Variants in SEC14L2 observed in about 807,000 individuals in gnomAD.
SEC14L2 encodes SEC14 like lipid binding 2.
Under a neutral mutation model 56.9 loss-of-function variants are expected in SEC14L2, and 50 were observed. The ratio of observed to expected loss-of-function variants is 0.88; its 90% CI spans 0.70 to 1.11. The LOEUF is 1.11. Ranked by LOEUF, SEC14L2 falls within the 50% of genes most tolerant of loss-of-function variation. The pLI is 0.00. For synonymous variants in SEC14L2, 179 were observed against 188.5 expected (o/e 0.95, Z 0.41); for missense variants, 414 against 500.7 (o/e 0.83, Z 1.65).
rs1457708970 is a variant in SEC14L2 at position 30,424,145 on chromosome 22, G to T, written c.*1738G>T. 6.4e-6 allele frequency: 1 copy of T among 155,562 alleles called. No individual in the cohort carries two copies. The highest frequency in any genetic ancestry group is 1.4e-5 in the Non-Finnish European group (1 of 69,882). 9.6% of individuals were successfully genotyped at this position (155,562 alleles called of 1,614,324 possible). ...CCCCGCCAGCTGCTCAGTACGTGCC[G>T]CGTAGCCCGTGCGAGCCAAGTGTGA... is the stretch of plus-strand genomic sequence containing the variant. On this transcript the variant is annotated 3_prime_UTR_variant, in exon 12 of 12. Transcript: ENST00000615189.
At chr22:30,400,737 A>C (rs1171548907) in intron 2 of SEC14L2, among the ~76,000 whole-genome samples, 1 of 151,608 alleles carries the variant, frequency 6.6e-6, no homozygotes, top group Non-Finnish European at 1.5e-5. Flanking sequence ...CTACTAAAAA[A>C]CACAAAAATT....
intron 8 of SEC14L2, among the ~76,000 whole-genome samples, chr22:30,411,498 C>A (rs572705084): frequency 6.6e-6 from 1 of 152,028 alleles, no homozygotes; most frequent in Non-Finnish European, 1.5e-5. Flanking sequence ...GTAATCCCAG[C>A]ACTTTGGGAG....
At chr22:30,399,548 A>AAGAG (rs758141219) in intron 1 of SEC14L2, 95 bp from the exon 2 acceptor site, 791 of 715,344 alleles carry the variant, frequency 1.1e-3, no homozygotes, top group Non-Finnish European at 1.2e-3. Context: ...GAAACAAAGA[A>AAGAG]AGAGGCGTCC....
rs149097847 is a variant in SEC14L2 at position 30,409,508 on chromosome 22, A to G, written c.580+22A>G. The stretch of plus-strand genomic sequence containing the variant: ...AAAGGTAAGTTGGGAATTTCTTGTG[A>G]TAAAGCCAGATGGAAAAGAGGGGTC... On this transcript the variant is annotated intron_variant, in intron 7 of 11. Coordinates refer to ENST00000615189, the MANE Select transcript of SEC14L2 (RefSeq NM_012429.5). 310 of 1,609,740 alleles carry G rather than the reference A, an allele frequency of 1.9e-4. 2 individuals carry two copies. Among genetic ancestry groups the G allele is most frequent in the Middle Eastern group, 1.7e-3 (10 of 6,058 alleles).
chr22:30,414,047 T>C (rs1337295852), intron 8 of SEC14L2, among the ~76,000 whole-genome samples: 2 of 152,080 alleles, frequency 1.3e-5, no homozygotes, highest in Non-Finnish European at 2.9e-5. Flanking sequence ...CCCAGGTTGA[T>C]CTTGAACTCC....
intron 8 of SEC14L2, among the ~76,000 whole-genome samples, chr22:30,412,551 G>A (rs533824969): frequency 2.0e-5 from 3 of 152,158 alleles, no homozygotes; most frequent in South Asian, 2.1e-4. Context: ...AGTGGCTCAG[G>A]CCCATAATCC....
chr22:30,413,188 G>A (rs1371706424), intron 8 of SEC14L2, among the ~76,000 whole-genome samples: 3 of 152,156 alleles, frequency 2.0e-5, no homozygotes, highest in Admixed American at 6.5e-5. Flanking sequence ...GGGAACATCC[G>A]AGCTCAAGAG....
intron 8 of SEC14L2, among the ~76,000 whole-genome samples, 189 bp downstream of exon 8, chr22:30,410,868 A>G (rs1934229695): frequency 6.6e-6 from 1 of 152,216 alleles, no homozygotes; most frequent in African/African-American, 2.4e-5. Context: ...TTTCTCTCAG[A>G]CACTCTAGAA....
chr22:30,415,357 C>T (rs1003265646), intron 8 of SEC14L2, among the ~76,000 whole-genome samples: 2 of 152,116 alleles, frequency 1.3e-5, no homozygotes, highest in Non-Finnish European at 1.5e-5. Flanking sequence ...CACTTGAACC[C>T]GGGAGGCGGA....
chr22:30,423,662 C>A lies in SEC14L2; in HGVS notation c.*1255C>A, dbSNP rs1934583595. The stretch of plus-strand genomic sequence containing the variant: ...CCTTTCCCTCAGAGCCAGGCCCCGG[C>A]CCCGTCTGGGAAGCTCATCTTGCGA... On this transcript the variant is annotated 3_prime_UTR_variant, in exon 12 of 12. Coordinates refer to ENST00000615189, the MANE Select transcript of SEC14L2 (RefSeq NM_012429.5). 6.6e-6 allele frequency: 1 copy of A among 152,426 alleles called. No homozygotes were observed. Among genetic ancestry groups the A allele is most frequent in the African/African-American group, 2.4e-5 (1 of 41,476 alleles). 9.4% of individuals were successfully genotyped at this position (152,426 alleles called of 1,614,324 possible).
intron 8 of SEC14L2, among the ~76,000 whole-genome samples, chr22:30,414,693 T>C (rs1033176786): frequency 6.6e-6 from 1 of 151,886 alleles, no homozygotes; most frequent in African/African-American, 2.4e-5. Flanking sequence ...GAATTTGGAT[T>C]GGTGAAGTGG....
chr22:30,407,407 T>C lies in SEC14L2; in HGVS notation c.235-8T>C. ...CTGACCAGGTGGCTCCTCTGTGTCT[T>C]TGCCCAGGTGATCCAACAGTATCTG... On this transcript the variant is annotated splice_region_variant and splice_polypyrimidine_tract_variant and intron_variant, in intron 4 of 11. Transcript: ENST00000615189. The C allele has an allele frequency of 6.2e-7, 1 of 1,611,212 alleles. No individual in the cohort carries two copies. Among genetic ancestry groups the C allele is most frequent in the South Asian group, 1.1e-5 (1 of 91,002 alleles).
intron 1 of SEC14L2, chr22:30,397,911 G>A (rs1933804228): frequency 4.3e-6 from 2 of 470,544 alleles, no homozygotes; most frequent in Admixed American, 2.3e-5. Context: ...CAAGGAGGGG[G>A]CAACAGTTTG....
Position 30,397,124 on chromosome 22 carries a change from G to A in SEC14L2, c.8G>A (p.Gly3Asp), listed in dbSNP as rs1364549639. The change falls in exon 1 of 12, where the codon GGC becomes GAC. Residue 3 changes from glycine (G) to aspartate (D), a missense_variant. Coordinates refer to ENST00000615189, the MANE Select transcript of SEC14L2 (RefSeq NM_012429.5). MS[G>D]RVGDLSPRQK... ...CCCCGCGGTTGAGCCACGATGAGCG[G>A]CAGAGTCGGCGATCTGAGCCCCAGG... The A allele has an allele frequency of 2.6e-6, 4 of 1,547,956 alleles. No homozygotes were observed. In the African/African-American group the frequency reaches 5.5e-5, roughly 21 times the overall value.
chr22:30,411,929 C>T (rs973127289), intron 8 of SEC14L2, among the ~76,000 whole-genome samples: 5 of 152,022 alleles, frequency 3.3e-5, no homozygotes, highest in East Asian at 3.9e-4. Context: ...ACCTAAGCTG[C>T]GTGCTATGGA....
At chr22:30,410,718 C>A in intron 8 of SEC14L2, 39 bp downstream of exon 8, 2 of 1,582,428 alleles carry the variant, frequency 1.3e-6, no homozygotes, top group Non-Finnish European at 1.7e-6. Context: ...AAAGGAGGGT[C>A]TGTAGCCTAA....
chr22:30,416,289 A>G lies in SEC14L2; in HGVS notation c.967A>G (p.Lys323Glu). ...DVGFGIFLKT[K>E]MGERQRAGEM... Reference sequence around the variant, plus strand: ...TGGTTTTGGGATTTTCCTGAAGACCAAGATGGGAGAGAGGCAGCGGGCAGG... The same window carrying G: ...TGGTTTTGGGATTTTCCTGAAGACCGAGATGGGAGAGAGGCAGCGGGCAGG... Residue 323 changes from lysine to glutamate, a missense_variant, in exon 11 of 12, where the codon AAG (lysine) becomes GAG (glutamate). Lys to Glu is a moderately conservative substitution (Grantham distance 56). Coordinates refer to ENST00000615189, the MANE Select transcript of SEC14L2 (RefSeq NM_012429.5). 1 of 1,614,252 alleles carries G rather than the reference A, an allele frequency of 6.2e-7. No homozygotes were observed. The highest frequency in any genetic ancestry group is 8.5e-7 in the Non-Finnish European group (1 of 1,180,036).
chr22:30,404,001 C>A, intron 2 of SEC14L2, among the ~76,000 whole-genome samples: 1 of 110,028 alleles, frequency 9.1e-6, no homozygotes, highest in African/African-American at 3.6e-5. Flanking sequence ...CAGAGCGAGA[C>A]TCCGTCTCAA....
Position 30,397,147 on chromosome 22 carries a change from AGGC to A in SEC14L2, c.32_34del (p.Arg11_Gln12delinsLys). ...CGGCAGAGTCGGCGATCTGAGCCCCAGGCAGAAGGAGGCATTGGCCAAGGTGAG... is the reference window on the plus strand; with the variant it reads ...CGGCAGAGTCGGCGATCTGAGCCCCAAGAAGGAGGCATTGGCCAAGGTGAG... On this transcript the variant is annotated inframe_deletion, in exon 1 of 12. Transcript: ENST00000615189. 6.5e-7 allele frequency: 1 copy of A among 1,546,204 alleles called. No individual in the cohort carries two copies. The highest frequency in any genetic ancestry group is 8.7e-7 in the Non-Finnish European group (1 of 1,145,082).
Sources: gnomAD v4.1 joint callset for allele counts (sites outside exome capture counted in the v4.1 genomes callset) on GRCh38, gnomAD v4.1.1 for gene constraint, MANE v1.5 for transcripts, NCBI Gene and HGNC (gene_info 2026-07-23, HGNC 2026-07-21) for gene names.